Variants in UBE2E1 observed in about 807,000 individuals in gnomAD.
The protein encoded by UBE2E1 is ubiquitin-conjugating enzyme E2 E1.
A neutral mutation model predicts 21.4 loss-of-function variants in UBE2E1; 6 were observed. That is an observed-to-expected ratio of 0.28 (90% CI 0.15 to 0.55). The LOEUF (loss-of-function observed/expected upper bound fraction) is 0.55, where lower values mean the gene tolerates loss of function less well. Ranked by LOEUF, UBE2E1 falls within the 20% of genes least tolerant of loss-of-function variation. The pLI is 0.93. For missense variants in UBE2E1, 142 were observed against 236.5 expected, an observed-to-expected ratio of 0.60 and a Z score of 2.62; for synonymous variants, 87 against 82.7, an observed-to-expected ratio of 1.05 and a Z score of -0.28.
chr3:23,841,057 T>G (rs769321583), intron 3 of UBE2E1, among the ~76,000 whole-genome samples: 54 of 152,328 alleles, frequency 3.5e-4, no homozygotes, highest in Admixed American at 9.2e-4. Flanking sequence ...AAATAAAGAT[T>G]AGTCGTTAGA....
At chr3:23,815,831 G>A (rs7622887) in intron 3 of UBE2E1, among the ~76,000 whole-genome samples, 74,356 of 152,090 alleles carry the variant, frequency 0.49, 18,296 homozygotes, top group Middle Eastern at 0.54. Context: ...TACTAAATGC[G>A]TTAAGGATAG....
At chr3:23,831,932 T>C (rs747837416) in intron 3 of UBE2E1, among the ~76,000 whole-genome samples, 3 of 152,112 alleles carry the variant, frequency 2.0e-5, no homozygotes, top group Non-Finnish European at 2.9e-5. Context: ...CTGACTGAGC[T>C]CAGGTGATTC....
At chr3:23,873,895 T>A (rs541751437) in intron 3 of UBE2E1, among the ~76,000 whole-genome samples, 1 of 152,288 alleles carries the variant, frequency 6.6e-6, no homozygotes, top group Non-Finnish European at 1.5e-5. Flanking sequence ...AAACTGAAAA[T>A]TATTATTACC....
rs1701215655 is a variant in UBE2E1 at position 23,887,494 on chromosome 3, C to CCAT, written c.204-71_204-69dup. 16 of 1,495,362 alleles carry CCAT rather than the reference C, an allele frequency of 1.1e-5. No homozygotes were observed. In the East Asian group the frequency reaches 3.7e-4, roughly 35 times the overall value. 92.6% of individuals were successfully genotyped at this position (1,495,362 alleles called of 1,614,324 possible). On this transcript the variant is annotated intron_variant, in intron 3 of 5. Transcript: ENST00000306627. This position sits in a 1 kb window ranked among gnomAD's most constrained non-coding sequence, Gnocchi z 4.4. Reference sequence around the variant, plus strand: ...AAAAGAGAGGAGAGAGGTAATCTTTCCATCTCTTTTAATACACTGTAAAAA... The same window carrying CCAT: ...AAAAGAGAGGAGAGAGGTAATCTTTCCATCATCTCTTTTAATACACTGTAAAAA...
chr3:23,873,688 G>T (rs981889658), intron 3 of UBE2E1, among the ~76,000 whole-genome samples: 12 of 152,362 alleles, frequency 7.9e-5, no homozygotes, highest in African/African-American at 2.9e-4. Context: ...GGAGGTTGCA[G>T]TGAGCCAAGA....
chr3:23,866,453 G>A (rs1363455507), intron 3 of UBE2E1: 1 of 152,238 alleles, frequency 6.6e-6, no homozygotes, highest in African/African-American at 2.4e-5. Flanking sequence ...CCTGGACTGT[G>A]GGACCAACCT....
At position 23,844,008 on chromosome 3, in the gene UBE2E1, A is replaced by AT. The variant is rs1700145278; in HGVS notation, c.203+32504dup. The stretch of plus-strand genomic sequence containing the variant: ...CTTGATATTTCTTCCACCATGTGTA[A>AT]TTTTTTATGCTCTTAGGGCTCCTTT... On this transcript the variant is annotated intron_variant, in intron 3 of 5. Transcript: ENST00000306627. Among the ~76,000 whole-genome samples the AT allele has an allele frequency of 2.6e-5, 4 of 151,904 alleles. No homozygotes were observed. In the South Asian group the frequency reaches 8.3e-4, roughly 31 times the overall value.
At chr3:23,807,594 T>C (rs1699306145) in intron 2 of UBE2E1, 173 bp downstream of exon 2, 1 of 741,722 alleles carries the variant, frequency 1.3e-6, no homozygotes, top group African/African-American at 1.8e-5. Flanking sequence ...TGCTTCTGTT[T>C]TTAAATCATT....
intron 3 of UBE2E1, among the ~76,000 whole-genome samples, chr3:23,884,724 G>A (rs893474588): frequency 5.9e-5 from 9 of 152,164 alleles, no homozygotes; most frequent in Non-Finnish European, 1.2e-4. Context: ...AACATGAACA[G>A]TACGACTCCT....
rs191438536 is a variant in UBE2E1, at chr3:23,841,814, A to G, written c.203+30304A>G. Among the ~76,000 whole-genome samples the G allele has an allele frequency of 1.6e-3, 249 of 152,320 alleles. 1 individual carries two copies. The highest frequency in any genetic ancestry group is 5.9e-3 in the African/African-American group (246 of 41,568). ...CAATGGGTTGGTGAGTGAAAAAGTCACATGCAGCTGACAGTCACAGTTTTT... is the reference window on the plus strand; with the variant it reads ...CAATGGGTTGGTGAGTGAAAAAGTCGCATGCAGCTGACAGTCACAGTTTTT... On this transcript the variant is annotated intron_variant, in intron 3 of 5. Transcript: ENST00000306627.
chr3:23,886,747 C>T (rs1021937714), intron 3 of UBE2E1, among the ~76,000 whole-genome samples: 1 of 152,214 alleles, frequency 6.6e-6, no homozygotes, highest in African/African-American at 2.4e-5. Context: ...AAACCCCTGA[C>T]ATTTAACCCT....
intron 3 of UBE2E1, among the ~76,000 whole-genome samples, chr3:23,867,811 T>C (rs1379881036): frequency 6.6e-6 from 1 of 152,066 alleles, no homozygotes; most frequent in Non-Finnish European, 1.5e-5. Context: ...GGCAGAACAG[T>C]GAGATAGTAT....
chr3:23,834,957 G>A (rs2125296504), intron 3 of UBE2E1, among the ~76,000 whole-genome samples: 1 of 152,150 alleles, frequency 6.6e-6, no homozygotes, highest in African/African-American at 2.4e-5. Context: ...TGCATAAAAA[G>A]CAATGTGAGG....
At chr3:23,828,307 C>CATAA (rs1699797493) in intron 3 of UBE2E1, among the ~76,000 whole-genome samples, 2 of 152,256 alleles carry the variant, frequency 1.3e-5, no homozygotes, top group African/African-American at 4.8e-5. Context: ...GCAATGAAAT[C>CATAA]ATAAATACAG....
At chr3:23,834,997 A>C (rs1699948270) in intron 3 of UBE2E1, among the ~76,000 whole-genome samples, 1 of 152,220 alleles carries the variant, frequency 6.6e-6, no homozygotes, top group Non-Finnish European at 1.5e-5. Flanking sequence ...AATGTTTAAA[A>C]TGGAGAATAA....
intron 3 of UBE2E1, among the ~76,000 whole-genome samples, chr3:23,813,180 G>A (rs539078350): frequency 4.6e-5 from 7 of 152,178 alleles, no homozygotes; most frequent in Non-Finnish European, 8.8e-5. Context: ...CTGGGTGGCT[G>A]TTGGGTGATT....
chr3:23,860,352 A>G (rs974510323), intron 3 of UBE2E1, among the ~76,000 whole-genome samples: 12 of 152,194 alleles, frequency 7.9e-5, no homozygotes, highest in Admixed American at 4.6e-4. Flanking sequence ...CTTTTTAGCA[A>G]TGTTTTAGCT....
chr3:23,872,811 G>A (rs1275766523), intron 3 of UBE2E1, among the ~76,000 whole-genome samples: 1 of 152,206 alleles, frequency 6.6e-6, no homozygotes, highest in Non-Finnish European at 1.5e-5. Context: ...GAGGTCAGGA[G>A]ATCGAGACCA....
chr3:23,822,817 A>G (rs967380196), intron 3 of UBE2E1, among the ~76,000 whole-genome samples: 2 of 150,580 alleles, frequency 1.3e-5, no homozygotes, highest in East Asian at 2.0e-4. Context: ...AATGTTTTTC[A>G]TCCCCTCCCC....
Sources: allele counts gnomAD v4.1 joint callset (sites outside exome capture counted in the v4.1 genomes callset), GRCh38; gene constraint gnomAD v4.1.1; non-coding constraint Gnocchi (gnomAD v3.1); transcripts MANE v1.5; gene names NCBI Gene and HGNC (gene_info 2026-07-23, HGNC 2026-07-21).